POU5F1: variants seen among roughly 807,000 people sequenced by gnomAD.
POU5F1 encodes the protein POU class 5 homeobox 1.
A neutral mutation model predicts 38.3 loss-of-function variants in POU5F1; 6 were observed. The observed-to-expected ratio is 0.16, with a 90% CI of 0.09 to 0.31. The LOEUF (loss-of-function observed/expected upper bound fraction) is 0.31. Among genes scored for constraint, POU5F1 ranks in the 10% least tolerant of loss-of-function variants. The probability of loss-of-function intolerance (pLI) is 1.00; values close to 1 mark genes in which losing one functional copy is unlikely to be tolerated. For synonymous variants in POU5F1, 147 were observed against 194.9 expected, an observed-to-expected ratio of 0.75 and a Z score of 2.05; for missense variants, 286 against 462.6, an observed-to-expected ratio of 0.62 and a Z score of 3.50.
intron 1 of POU5F1, among the ~76,000 whole-genome samples, chr6:31,167,945 CCT>C (rs372511752): frequency 0.12 from 13,115 of 105,906 alleles, 673 homozygotes; most frequent in Middle Eastern, 0.26. Flanking sequence ...GATCTCTCAC[CCT>C]TTTTCTCCCC....
Position 31,164,482 on chromosome 6 carries a change from C to A in POU5F1, c.*119G>T, listed in dbSNP as rs1777041453. ...CTCCCCTGCCCCCACCCTTTGTGTTCCCAATTCCTTCCTTAGTGAATGAAG... is the reference window on the plus strand; with the variant it reads ...CTCCCCTGCCCCCACCCTTTGTGTTACCAATTCCTTCCTTAGTGAATGAAG... On this transcript the variant is annotated 3_prime_UTR_variant, in exon 5 of 5. Coordinates refer to ENST00000259915, the MANE Select transcript of POU5F1 (RefSeq NM_002701.6). The A allele has an allele frequency of 7.1e-7, 1 of 1,416,428 alleles. No individual in the cohort carries two copies. The highest frequency in any genetic ancestry group is 2.1e-5 in the Admixed American group (1 of 48,180). 87.7% of individuals were successfully genotyped at this position (1,416,428 alleles called of 1,614,324 possible).
In POU5F1 at chr6:31,166,036, G is replaced by A. The variant is rs749071230; in HGVS notation, c.417C>T (p.Ile139=). 1 of 1,614,220 alleles carries A rather than the reference G, an allele frequency of 6.2e-7. No homozygotes were observed. The highest frequency in any genetic ancestry group is 8.5e-7 in the Non-Finnish European group (1 of 1,180,050). Residue 139 remains isoleucine (I), a synonymous_variant, in exon 2 of 5, where the codon ATC becomes ATT. Transcript: ENST00000259915. ...GCTCGAGTTCTTTCTGCAGAGCTTTGATGTCCTGGGACTGGATTTTAAAAG... is the reference window on the plus strand; with the variant it reads ...GCTCGAGTTCTTTCTGCAGAGCTTTAATGTCCTGGGACTGGATTTTAAAAG... ...LEQNPEESQD[I]KALQKELEQF...
rs979153284 is a variant in POU5F1 at position 31,170,553 on chromosome 6, C to G, written c.68G>C (p.Gly23Ala). 25 of 1,570,380 alleles carry G rather than the reference C, an allele frequency of 1.6e-5. No individual in the cohort carries two copies. Among genetic ancestry groups the G allele is most frequent in the East Asian group, 9.4e-5 (4 of 42,612 alleles). Residue 23 changes from glycine to alanine, a missense_variant, in exon 1 of 5, where the codon GGG becomes GCG. Coordinates refer to ENST00000259915, the MANE Select transcript of POU5F1 (RefSeq NM_002701.6). ...PPPGGGGDGP[G>A]GPEPGWVDPR... Reference sequence around the variant, plus strand: ...ATCAACCCAGCCCGGCTCCGGCCCCCCTGGCCCATCACCTCCACCACCTGG... The same window carrying G: ...ATCAACCCAGCCCGGCTCCGGCCCCGCTGGCCCATCACCTCCACCACCTGG...
Position 31,166,811 on chromosome 6 carries a change from A to G in POU5F1, c.406-764T>C. On this transcript the variant is annotated intron_variant, in intron 1 of 4. Coordinates refer to ENST00000259915, the MANE Select transcript of POU5F1 (RefSeq NM_002701.6). ...AAAAGGAAGAGCATCATGTCTCAGA[A>G]GCTAAATTCAGTATATACTCTCCCC... 2.5e-6 allele frequency: 3 copies of G among 1,186,040 alleles called. No individual in the cohort carries two copies. The South Asian group carries it at 6.5e-5, about 26-fold the overall frequency. The allele number at this position is 1,186,040 out of a possible 1,614,324, so 73.5% of individuals were successfully genotyped here. A position where few individuals can be genotyped will look rare whatever the true frequency, so the allele number is the denominator to read the frequency against.
chr6:31,167,393 A>AAT (rs1554135728), intron 1 of POU5F1, among the ~76,000 whole-genome samples: 13 of 151,280 alleles, frequency 8.6e-5, no homozygotes, highest in Non-Finnish European at 1.3e-4. Flanking sequence ...CTCTATTTAA[A>AAT]ATATATATAT....
At chr6:31,166,208 A>C (rs1292063532) in intron 1 of POU5F1, 161 bp from the exon 2 acceptor site, 5 of 1,561,736 alleles carry the variant, frequency 3.2e-6, no homozygotes, top group Non-Finnish European at 4.3e-6. Context: ...GAAATAACCT[A>C]CCCACAAATG....
At chr6:31,166,961 A>T in intron 1 of POU5F1, 1 of 991,302 alleles carries the variant, frequency 1.0e-6, no homozygotes, top group Non-Finnish European at 1.4e-6. Flanking sequence ...TTTTAAATTG[A>T]TTATCCCTCA....
Position 31,165,076 on chromosome 6 carries a change from G to C in POU5F1, c.816+52C>G, listed in dbSNP as rs888907261. 6.3e-7 allele frequency: 1 copy of C among 1,585,286 alleles called. No homozygotes were observed. Among genetic ancestry groups the C allele is most frequent in the Non-Finnish European group, 8.6e-7 (1 of 1,166,376 alleles). On this transcript the variant is annotated intron_variant, in intron 4 of 4. Coordinates refer to ENST00000259915, the MANE Select transcript of POU5F1 (RefSeq NM_002701.6). This position sits in a 1 kb window ranked among gnomAD's most constrained non-coding sequence, Gnocchi z 6.5. ...TGGAGGAGCCAGAGCTAGGGAAAGC[G>C]AGGTGGTGACAGGGGAAAGAGATGG... is the stretch of plus-strand genomic sequence containing the variant.
In POU5F1 at chr6:31,170,653, G is replaced by T; in HGVS notation, c.-33C>A. 6.5e-7 allele frequency: 1 copy of T among 1,528,094 alleles called. No individual in the cohort carries two copies. Among genetic ancestry groups the T allele is most frequent in the African/African-American group, 1.4e-5 (1 of 72,504 alleles). The allele number at this position is 1,528,094 out of a possible 1,614,324, so 94.7% of individuals were successfully genotyped here. On this transcript the variant is annotated 5_prime_UTR_variant, in exon 1 of 5. Transcript: ENST00000259915. ...GAAGGCGCCCCAAGCCGGGGGCCTG[G>T]TGAAATGAGGGCTTGCGAAGGGACT...
chr6:31,165,556 C>G lies in POU5F1; in HGVS notation c.657+15G>C. ...AGAAAGGGAAGGTCCCCGGGTATCC[C>G]CCTCCCACCCTTACCTCCTGAAGAT... On this transcript the variant is annotated intron_variant, in intron 3 of 4. Coordinates refer to ENST00000259915, the MANE Select transcript of POU5F1 (RefSeq NM_002701.6). The surrounding 1 kb of genome is among the most constrained non-coding windows in gnomAD (Gnocchi z 6.5). The G allele has an allele frequency of 6.2e-7, 1 of 1,613,346 alleles. No individual in the cohort carries two copies.
intron 1 of POU5F1, among the ~76,000 whole-genome samples, chr6:31,169,188 AGATAAT>A (rs1049541474): frequency 4.6e-5 from 7 of 152,198 alleles, no homozygotes; most frequent in African/African-American, 1.7e-4. Context: ...CTGGTTAATG[AGATAAT>A]GATGTATAAA....
rs773644692 is a variant in POU5F1, at chr6:31,165,899, C to T, written c.526+28G>A. ...AGGGATACTCCTTAGAGGGGAGATGCGGTCAGAATCTGCAGAGGGGAACCC... is the reference window on the plus strand; with the variant it reads ...AGGGATACTCCTTAGAGGGGAGATGTGGTCAGAATCTGCAGAGGGGAACCC... On this transcript the variant is annotated intron_variant, in intron 2 of 4. Coordinates refer to ENST00000259915, the MANE Select transcript of POU5F1 (RefSeq NM_002701.6). The surrounding 1 kb of genome is among the most constrained non-coding windows in gnomAD (Gnocchi z 6.5). The T allele has an allele frequency of 1.3e-5, 21 of 1,613,226 alleles. No individual in the cohort carries two copies. Among genetic ancestry groups the T allele is most frequent in the Middle Eastern group, 3.3e-4 (2 of 6,024 alleles).
intron 4 of POU5F1, 41 bp from the exon 5 acceptor site, chr6:31,164,908 G>A: frequency 6.6e-7 from 1 of 1,523,310 alleles, no homozygotes; most frequent in East Asian, 2.4e-5. Flanking sequence ...ATTAGACAAT[G>A]AGCTGAGACG....
Position 31,170,270 on chromosome 6 carries a change from G to A in POU5F1, c.351C>T (p.Val117=), listed in dbSNP as rs1582047457. The A allele has an allele frequency of 6.2e-7, 1 of 1,612,896 alleles. No individual in the cohort carries two copies. Among genetic ancestry groups the A allele is most frequent in the Non-Finnish European group, 8.5e-7 (1 of 1,179,836 alleles). The part of the protein sequence containing the change: ...SDGASPEPCT[V]TPGAVKLEKE... Reference sequence around the variant, plus strand: ...TCTCCAGCTTCACGGCACCAGGGGTGACGGTGCAGGGCTCCGGGGAGGCCC... The same window carrying A: ...TCTCCAGCTTCACGGCACCAGGGGTAACGGTGCAGGGCTCCGGGGAGGCCC... Residue 117 remains valine, a synonymous_variant, in exon 1 of 5, where the codon GTC becomes GTT. Coordinates refer to ENST00000259915, the MANE Select transcript of POU5F1 (RefSeq NM_002701.6).
intron 4 of POU5F1, 127 bp from the exon 5 acceptor site, chr6:31,164,994 C>G (rs1360845918): frequency 6.5e-7 from 1 of 1,547,724 alleles, no homozygotes; most frequent in East Asian, 2.4e-5. Context: ...AGAGAATGAG[C>G]TGAGACAGGC....
rs1020954796 is a variant in POU5F1, at chr6:31,165,495, T to A, written c.657+76A>T. 1.2e-6 allele frequency: 2 copies of A among 1,607,776 alleles called. No individual in the cohort carries two copies. The highest frequency in any genetic ancestry group is 1.7e-6 in the Non-Finnish European group (2 of 1,177,668). On this transcript the variant is annotated intron_variant, in intron 3 of 4. Coordinates refer to ENST00000259915, the MANE Select transcript of POU5F1 (RefSeq NM_002701.6). This position sits in a 1 kb window ranked among gnomAD's most constrained non-coding sequence, Gnocchi z 6.5. ...AACCACTGCACCAAAGACGGAGAGC[T>A]ACGAGCCAGTGATGGAAGCAATGGA... is the stretch of plus-strand genomic sequence containing the variant.
At position 31,165,412 on chromosome 6, in the gene POU5F1, G is replaced by A; in HGVS notation, c.658-126C>T. 6.4e-7 allele frequency: 1 copy of A among 1,561,256 alleles called. No individual in the cohort carries two copies. Among genetic ancestry groups the A allele is most frequent in the Admixed American group, 1.9e-5 (1 of 52,538 alleles). ...GGTGTGAAAAGGCAGGATCCTGGAA[G>A]GGTTGGCTCTGGACCTTATCCCAGC... On this transcript the variant is annotated intron_variant, in intron 3 of 4. Transcript: ENST00000259915. The surrounding 1 kb of genome is among the most constrained non-coding windows in gnomAD (Gnocchi z 6.5).
At chr6:31,167,790 AG>A (rs1031620244) in intron 1 of POU5F1, among the ~76,000 whole-genome samples, 1 of 152,126 alleles carries the variant, frequency 6.6e-6, no homozygotes, top group African/African-American at 2.4e-5. Flanking sequence ...ACACTTTTAA[AG>A]ACAGAGAAGG....
At chr6:31,167,958 A>T (rs9263805) in intron 1 of POU5F1, among the ~76,000 whole-genome samples, 2 of 151,648 alleles carry the variant, frequency 1.3e-5, no homozygotes, top group Admixed American at 6.6e-5. Context: ...TTTTCTCCCC[A>T]CCAAGACGGA....
Sources: gnomAD v4.1 joint callset for allele counts (sites outside exome capture counted in the v4.1 genomes callset) on GRCh38, gnomAD v4.1.1 for gene constraint, Gnocchi (gnomAD v3.1) non-coding constraint, MANE v1.5 for transcripts, NCBI Gene and HGNC (gene_info 2026-07-23, HGNC 2026-07-21) for gene names.